The following TAF1 variants were observed in gnomAD, a reference collection of about 807,000 sequenced individuals.
TAF1 encodes TATA-box binding protein associated factor 1.
In TAF1, 2 loss-of-function variants were observed where a neutral mutation model predicts 138.5. That is an observed-to-expected ratio of 0.01 (90% CI 0.01 to 0.05). TAF1 has a LOEUF of 0.05. Ranked by LOEUF, TAF1 falls within the 10% of genes least tolerant of loss-of-function variation. The probability of loss-of-function intolerance (pLI) is 1.00; values close to 1 mark genes in which losing one functional copy is unlikely to be tolerated. For missense variants in TAF1, 709 were observed against 1,478.0 expected (o/e 0.48, Z 8.53); for synonymous variants, 437 against 503.2 (o/e 0.87, Z 1.76).
At chrX:71,481,275 ATC>A (rs1175347593) in intron 13 of TAF1, among the ~76,000 whole-genome samples, 1 of 112,019 alleles carries the variant, frequency 8.9e-6, no homozygotes, top group Admixed American at 9.4e-5. Flanking sequence ...GTGAAACTCC[ATC>A]TCTCACACAC....
intron 3 of TAF1, among the ~76,000 whole-genome samples, chrX:71,370,797 C>T (rs1215531945): frequency 1.8e-5 from 2 of 111,986 alleles, no homozygotes; most frequent in African/African-American, 6.5e-5. Context: ...TTGAGTGCTA[C>T]TTATATGAAA....
intron 13 of TAF1, among the ~76,000 whole-genome samples, chrX:71,472,001 T>C (rs2038899076): frequency 1.8e-5 from 2 of 112,140 alleles, no homozygotes; most frequent in South Asian, 7.4e-4. Flanking sequence ...CTGGTCCTTT[T>C]GTTACTTAGA....
chrX:71,444,927 A>G (rs374739159), intron 32 of TAF1, among the ~76,000 whole-genome samples: 2 of 109,010 alleles, frequency 1.8e-5, no homozygotes, highest in Non-Finnish European at 3.8e-5. Flanking sequence ...TAGAGATGGG[A>G]TCACCATAGC....
rs35317750 is a variant in TAF1 at position 71,377,781 on chromosome X, C to G, written c.893C>G (p.Ala298Gly). The change falls in exon 6 of 38, where the codon GCT becomes GGT. Residue 298 changes from alanine to glycine, a missense_variant. Ala to Gly is a moderately conservative substitution (Grantham distance 60). Around this residue, in one of 14 missense-constraint regions of TAF1, gnomAD observed 201 missense variants for 421.3 expected, o/e 0.48. Coordinates refer to ENST00000423759, the MANE Select transcript of TAF1 (RefSeq NM_004606.5). ...SQKSLWNYDY[A>G]PPPPPEQCLS... ...AAGTCTTTGTGGAACTACGACTACG[C>G]TCCACCACCACCTCCAGAGCAGTGT... 2,588 of 1,209,044 alleles carry G rather than the reference C, an allele frequency of 2.1e-3. 34 individuals are homozygous for G. In the African/African-American group the frequency reaches 0.041, roughly 19 times the overall value.
In TAF1 at chrX:71,465,777, A is replaced by G. The variant is rs1227769080; in HGVS notation, c.*1731A>G. 1 of 111,885 alleles carries G rather than the reference A, an allele frequency of 8.9e-6. No homozygotes were observed. Among genetic ancestry groups the G allele is most frequent in the Non-Finnish European group, 1.9e-5 (1 of 53,236 alleles). The allele number at this position is 111,885 out of a possible 1,213,427, so 9.2% of individuals were successfully genotyped here. A position where few individuals can be genotyped will look rare whatever the true frequency, so the allele number is the denominator to read the frequency against. Reference sequence around the variant, plus strand: ...GTGATCGCATTTTTGTAAAAGAACCATGTGTGTTTATATGTGTTTATATAT... The same window carrying G: ...GTGATCGCATTTTTGTAAAAGAACCGTGTGTGTTTATATGTGTTTATATAT... On this transcript the variant is annotated 3_prime_UTR_variant, in exon 38 of 38. Transcript: ENST00000423759.
At chrX:71,456,910 G>A (rs984167406) in intron 34 of TAF1, among the ~76,000 whole-genome samples, 1 of 109,623 alleles carries the variant, frequency 9.1e-6, no homozygotes, top group African/African-American at 3.3e-5. Context: ...CCCGACCTCA[G>A]GCCCACCTCG....
chrX:71,379,105 ATTTTTTTTTT>A (rs916740866), intron 8 of TAF1, 74 bp downstream of exon 8: 2 of 486,047 alleles, frequency 4.1e-6, no homozygotes, highest in African/African-American at 4.9e-5. Context: ...CTCAGCTGTG[ATTTTTTTTTT>A]TTTTTTTTTT....
At chrX:71,434,717 A>G (rs1306169931) in intron 32 of TAF1, among the ~76,000 whole-genome samples, 2 of 112,306 alleles carry the variant, frequency 1.8e-5, no homozygotes, top group Non-Finnish European at 3.8e-5. Context: ...TAAGTACTAG[A>G]TCAGTCTCAG....
chrX:71,503,336 A>G (rs2039557398), intron 13 of TAF1, among the ~76,000 whole-genome samples: 2 of 99,559 alleles, frequency 2.0e-5, no homozygotes, highest in Non-Finnish European at 3.9e-5. Flanking sequence ...GTGTATATAT[A>G]TATATATGTG....
At chrX:71,370,006 C>T (rs1408642675) in intron 3 of TAF1, among the ~76,000 whole-genome samples, 1 of 109,942 alleles carries the variant, frequency 9.1e-6, no homozygotes, top group East Asian at 3.0e-4. Context: ...GGGCAGATCA[C>T]GTGAGGCCAG....
chrX:71,444,830 T>C (rs1403889689), intron 32 of TAF1, among the ~76,000 whole-genome samples: 1 of 109,729 alleles, frequency 9.1e-6, no homozygotes, highest in East Asian at 2.9e-4. Flanking sequence ...GCCTCCCGAG[T>C]TCATGCCATT....
At chrX:71,375,087 A>AC in intron 3 of TAF1, 80 bp from the exon 4 acceptor site, 1 of 1,138,210 alleles carries the variant, frequency 8.8e-7, no homozygotes, top group East Asian at 3.1e-5. Context: ...AAAAAAAAAA[A>AC]AAAATTGAGT....
At chrX:71,513,081 A>G (rs1312027037) in intron 13 of TAF1, among the ~76,000 whole-genome samples, 1 of 112,306 alleles carries the variant, frequency 8.9e-6, no homozygotes, top group Non-Finnish European at 1.9e-5. Context: ...AGAGACTGCA[A>G]ATCAGACTAT....
rs746172361 is a variant in TAF1 at position 71,452,762 on chromosome X, C to T, written c.4754-1408C>T. ...CGAGATCACGCCACTGCACTCCAGCCTGGGCACCATTGAGCACTGAGTTAA... is the reference window on the plus strand; with the variant it reads ...CGAGATCACGCCACTGCACTCCAGCTTGGGCACCATTGAGCACTGAGTTAA... On this transcript the variant is annotated intron_variant, in intron 32 of 37. Coordinates refer to ENST00000423759, the MANE Select transcript of TAF1 (RefSeq NM_004606.5). 2.7e-5 allele frequency among the ~76,000 whole-genome samples: 3 copies of T among 112,133 alleles called. No homozygotes were observed. In the East Asian group the frequency reaches 8.5e-4, roughly 32 times the overall value.
chrX:71,507,957 C>G (rs1197704024), intron 13 of TAF1, among the ~76,000 whole-genome samples: 1 of 108,121 alleles, frequency 9.2e-6, no homozygotes, highest in Non-Finnish European at 1.9e-5. Context: ...CCACTGCACT[C>G]CAGCCTGGGT....
intron 32 of TAF1, among the ~76,000 whole-genome samples, chrX:71,432,236 C>T (rs1429992162): frequency 9.0e-6 from 1 of 111,018 alleles, no homozygotes; most frequent in Non-Finnish European, 1.9e-5. Context: ...AGGAGAACTT[C>T]GTATAGGTCA....
intron 36 of TAF1, among the ~76,000 whole-genome samples, chrX:71,460,204 G>A (rs1483440133): frequency 2.7e-5 from 3 of 112,118 alleles, no homozygotes; most frequent in African/African-American, 9.7e-5. Flanking sequence ...TCATACCATT[G>A]CACTACAGCT....
chrX:71,369,867 C>G (rs2032906731), intron 3 of TAF1, among the ~76,000 whole-genome samples: 1 of 108,484 alleles, frequency 9.2e-6, no homozygotes, highest in African/African-American at 3.3e-5. Context: ...CCCGCCTCGG[C>G]CTCCCAAAGT....
intron 13 of TAF1, among the ~76,000 whole-genome samples, chrX:71,497,716 G>T (rs1471339015): frequency 9.0e-6 from 1 of 111,232 alleles, no homozygotes; most frequent in African/African-American, 3.3e-5. Context: ...CCTGCTTTAA[G>T]GTTTTGAAGG....
Sources: allele counts gnomAD v4.1 joint callset (sites outside exome capture counted in the v4.1 genomes callset), GRCh38; gene constraint gnomAD v4.1.1; regional missense constraint gnomAD v4.1.1; transcripts MANE v1.5; gene names NCBI Gene and HGNC (gene_info 2026-07-23, HGNC 2026-07-21).